The following PRKN variants were observed in gnomAD, a reference collection of about 807,000 sequenced individuals.
PRKN encodes parkin RBR E3 ubiquitin protein ligase.
A neutral mutation model predicts 59.5 loss-of-function variants in PRKN; 56 were observed. That is an observed-to-expected ratio of 0.94 (90% CI 0.76 to 1.18). PRKN has a LOEUF of 1.18. Ranked by LOEUF, PRKN falls within the 50% of genes most tolerant of loss-of-function variation. The pLI is 0.00. For synonymous variants in PRKN, 250 were observed against 222.1 expected, an observed-to-expected ratio of 1.13 and a Z score of -1.12; for missense variants, 657 against 596.4, an observed-to-expected ratio of 1.10 and a Z score of -1.06.
intron 5 of PRKN, among the ~76,000 whole-genome samples, chr6:161,995,358 CA>C (rs1781802713): frequency 6.6e-6 from 1 of 151,924 alleles, no homozygotes; most frequent in Admixed American, 6.6e-5. Context: ...TTGGTCTAGG[CA>C]AAGATTTTTA....
chr6:162,421,864 G>C (rs116717834), intron 2 of PRKN, among the ~76,000 whole-genome samples: 2,822 of 152,156 alleles, frequency 0.019, 89 homozygotes, highest in African/African-American at 0.064. Flanking sequence ...AAAATTAAGA[G>C]ATATTCTACT....
intron 4 of PRKN, among the ~76,000 whole-genome samples, chr6:162,065,802 T>C (rs189681292): frequency 1.3e-5 from 2 of 152,132 alleles, no homozygotes; most frequent in Non-Finnish European, 2.9e-5. Context: ...TTCCCACCTA[T>C]GAGTGAGAAC....
chr6:162,467,748 A>T (rs1191566822), intron 1 of PRKN, among the ~76,000 whole-genome samples: 1 of 151,920 alleles, frequency 6.6e-6, no homozygotes, highest in Non-Finnish European at 1.5e-5. Context: ...TACACTCCTT[A>T]CTGCAGCCTA....
At chr6:162,109,151 T>G (rs1023809445) in intron 4 of PRKN, among the ~76,000 whole-genome samples, 1 of 152,202 alleles carries the variant, frequency 6.6e-6, no homozygotes, top group Non-Finnish European at 1.5e-5. Flanking sequence ...AATGGGAAAC[T>G]GACACAGCAC....
chr6:161,668,343 A>G (rs1267445710), intron 7 of PRKN, among the ~76,000 whole-genome samples: 1 of 152,138 alleles, frequency 6.6e-6, no homozygotes, highest in Non-Finnish European at 1.5e-5. Flanking sequence ...GAAACTGGGT[A>G]CAGATCTCAT....
intron 7 of PRKN, among the ~76,000 whole-genome samples, chr6:161,684,463 C>A (rs1460868333): frequency 1.3e-5 from 2 of 152,014 alleles, no homozygotes; most frequent in African/African-American, 4.8e-5. Context: ...CCTTTCTCCC[C>A]AATTGACTAA....
chr6:162,227,735 A>G (rs1778243130), intron 3 of PRKN, among the ~76,000 whole-genome samples: 1 of 152,170 alleles, frequency 6.6e-6, no homozygotes, highest in African/African-American at 2.4e-5. Flanking sequence ...CTTATGCCCT[A>G]TGTGACATAA....
chr6:161,673,741 G>A lies in PRKN; in HGVS notation c.872-104325C>T, dbSNP rs1206103814. 2.0e-5 allele frequency among the ~76,000 whole-genome samples: 3 copies of A among 152,158 alleles called. No individual in the cohort carries two copies. In the South Asian group the frequency reaches 6.2e-4, roughly 32 times the overall value. On this transcript the variant is annotated intron_variant, in intron 7 of 11. Coordinates refer to ENST00000366898, the MANE Select transcript of PRKN (RefSeq NM_004562.3). ...TGGCTTGGGCCACGGTCCAAGCCAT[G>A]GTCAGATTGTGGAAGGTGTTTTGAA... is the stretch of plus-strand genomic sequence containing the variant.
intron 5 of PRKN, among the ~76,000 whole-genome samples, chr6:161,974,676 A>T (rs1270221132): frequency 6.6e-6 from 1 of 152,156 alleles, no homozygotes; most frequent in Non-Finnish European, 1.5e-5. Flanking sequence ...CTACTGAAAA[A>T]AAAAATACAT....
intron 1 of PRKN, among the ~76,000 whole-genome samples, chr6:162,663,728 G>C (rs1170360038): frequency 2.0e-5 from 3 of 151,860 alleles, no homozygotes; most frequent in Non-Finnish European, 4.4e-5. Context: ...AGAGAAGATA[G>C]AATTGAAACA....
intron 1 of PRKN, among the ~76,000 whole-genome samples, chr6:162,445,179 C>G (rs1790250892): frequency 6.6e-6 from 1 of 152,050 alleles, no homozygotes; most frequent in Non-Finnish European, 1.5e-5. Flanking sequence ...AGACATTGTG[C>G]TCTCATATGG....
chr6:162,235,979 A>AAG (rs1190694986), intron 3 of PRKN, among the ~76,000 whole-genome samples: 5 of 117,434 alleles, frequency 4.3e-5, no homozygotes, highest in African/African-American at 1.8e-4. Flanking sequence ...GAAAGAAAGA[A>AAG]AGAAAGAAAG....
intron 10 of PRKN, among the ~76,000 whole-genome samples, chr6:161,374,513 GGT>G (rs1289637649): frequency 7.0e-6 from 1 of 142,434 alleles, no homozygotes; most frequent in African/African-American, 2.6e-5. Context: ...ATGTATGTGT[GGT>G]GTGTGTAATG....
At chr6:162,355,697 T>A (rs754850475) in intron 2 of PRKN, among the ~76,000 whole-genome samples, 2 of 149,262 alleles carry the variant, frequency 1.3e-5, no homozygotes, top group Non-Finnish European at 3.0e-5. Flanking sequence ...ACTGGGTATT[T>A]CCTTTTGAAC....
intron 5 of PRKN, among the ~76,000 whole-genome samples, chr6:162,013,630 G>C (rs768091258): frequency 1.3e-5 from 2 of 152,140 alleles, no homozygotes; most frequent in Non-Finnish European, 2.9e-5. Flanking sequence ...GCATCACAGT[G>C]TTTATTCGAG....
At chr6:161,863,936 A>T (rs1167940622) in intron 6 of PRKN, among the ~76,000 whole-genome samples, 1 of 152,212 alleles carries the variant, frequency 6.6e-6, no homozygotes, top group East Asian at 1.9e-4. Context: ...ACATACCTTA[A>T]TTTAAAACTA....
intron 1 of PRKN, among the ~76,000 whole-genome samples, chr6:162,563,854 TG>T (rs1779951706): frequency 6.6e-6 from 1 of 152,116 alleles, no homozygotes; most frequent in Non-Finnish European, 1.5e-5. Flanking sequence ...GCAGAAATTC[TG>T]GAGCTGAAAA....
chr6:162,080,579 G>A (rs954287187), intron 4 of PRKN, among the ~76,000 whole-genome samples: 10 of 152,200 alleles, frequency 6.6e-5, no homozygotes, highest in Middle Eastern at 6.8e-3. Context: ...GAATGGACAT[G>A]TCTTAATTAA....
intron 5 of PRKN, among the ~76,000 whole-genome samples, chr6:162,010,913 A>AAATATAT (rs1554260573): frequency 1.1e-4 from 1 of 8,908 alleles, no homozygotes; most frequent in African/African-American, 1.7e-3. Flanking sequence ...ATAATATATT[A>AAATATAT]AATATATAAT....
Sources: gnomAD v4.1 joint callset for allele counts (sites outside exome capture counted in the v4.1 genomes callset) on GRCh38, gnomAD v4.1.1 for gene constraint, MANE v1.5 for transcripts, NCBI Gene and HGNC (gene_info 2026-07-23, HGNC 2026-07-21) for gene names.